The following UGGT1 variants were observed in gnomAD, a reference collection of about 807,000 sequenced individuals.
UGGT1 encodes the protein UDP-glucose:glycoprotein glucosyltransferase 1.
Under a neutral mutation model 203.9 loss-of-function variants are expected in UGGT1, and 107 were observed. The ratio of observed to expected loss-of-function variants is 0.52; its 90% CI spans 0.45 to 0.62. UGGT1 has a LOEUF of 0.62. Among genes scored for constraint, UGGT1 ranks in the 20% least tolerant of loss-of-function variants. The pLI is 0.00. For synonymous variants in UGGT1, 628 were observed against 653.5 expected, an observed-to-expected ratio of 0.96 and a Z score of 0.59; for missense variants, 1,673 against 1,867.2, an observed-to-expected ratio of 0.90 and a Z score of 1.92.
intron 9 of UGGT1, 132 bp downstream of exon 9, chr2:128,120,588 GATTA>G (rs1363797468): frequency 1.3e-5 from 9 of 679,542 alleles, no homozygotes; most frequent in Admixed American, 4.9e-5. Context: ...AGATAAGAGT[GATTA>G]ATTACGATTA....
At chr2:128,134,563 G>T (rs898297299) in intron 14 of UGGT1, among the ~76,000 whole-genome samples, 1 of 152,192 alleles carries the variant, frequency 6.6e-6, no homozygotes, top group Non-Finnish European at 1.5e-5. Flanking sequence ...AAAAAGGCAG[G>T]CTCCATTTTT....
intron 25 of UGGT1, among the ~76,000 whole-genome samples, chr2:128,163,064 C>G (rs1043647090): frequency 9.9e-5 from 15 of 152,146 alleles, no homozygotes; most frequent in Non-Finnish European, 1.9e-4. Context: ...TGAAGCTTGG[C>G]TGTGTATACT....
rs138032020 is a variant in UGGT1, at chr2:128,141,153, G to A, written c.1720-1941G>A. ...AGCCTGGCCAACATGGTGAAACCCCGTTTCTACTAAAAATACAAAAATTGG... is the reference window on the plus strand; with the variant it reads ...AGCCTGGCCAACATGGTGAAACCCCATTTCTACTAAAAATACAAAAATTGG... On this transcript the variant is annotated intron_variant, in intron 16 of 40. Coordinates refer to ENST00000259253, the MANE Select transcript of UGGT1 (RefSeq NM_020120.4). Among the ~76,000 whole-genome samples, 1,444 of 151,518 alleles carry A rather than the reference G, an allele frequency of 9.5e-3. 22 individuals are homozygous for A. The highest frequency in any genetic ancestry group is 0.032 in the African/African-American group (1,319 of 41,346).
intron 7 of UGGT1, 49 bp from the exon 8 acceptor site, chr2:128,116,216 T>A: frequency 7.6e-7 from 1 of 1,308,010 alleles, no homozygotes; most frequent in African/African-American, 1.5e-5. Context: ...ACGTTTTTGT[T>A]TCAAATCTGA....
chr2:128,171,457 G>A, intron 28 of UGGT1, 173 bp downstream of exon 28: 1 of 624,882 alleles, frequency 1.6e-6, no homozygotes, highest in Non-Finnish European at 2.7e-6. Context: ...TAAGAACATA[G>A]TGTGTTTGTA....
chr2:128,133,176 T>C lies in UGGT1; in HGVS notation c.1413T>C (p.Asn471=), dbSNP rs1420975541. 6.2e-7 allele frequency: 1 copy of C among 1,614,108 alleles called. No individual in the cohort carries two copies. Among genetic ancestry groups the C allele is most frequent in the Non-Finnish European group, 8.5e-7 (1 of 1,179,978 alleles). The change falls in exon 14 of 41, where the codon AAT becomes AAC. Residue 471 remains asparagine (N), a synonymous_variant. Transcript: ENST00000259253. ...ACCTGGAGGTTGATAGCAGATATAA[T>C]TCGTGGCCTTCTAGTTTACAAGAGT... ...VNNLEVDSRY[N]SWPSSLQELL... is the part of the protein sequence containing the mutation.
At chr2:128,143,457 G>A (rs1689535767) in intron 17 of UGGT1, among the ~76,000 whole-genome samples, 1 of 152,166 alleles carries the variant, frequency 6.6e-6, no homozygotes, top group South Asian at 2.1e-4. Context: ...AACTGTTTAA[G>A]TCTCATTTTC....
At chr2:128,159,764 C>T (rs1460493869) in intron 23 of UGGT1, 44 bp downstream of exon 23, 1 of 1,585,778 alleles carries the variant, frequency 6.3e-7, no homozygotes, top group Admixed American at 1.7e-5. Flanking sequence ...TTTTGTCTGC[C>T]ACGGAAGCTC....
At chr2:128,133,584 C>G (rs1311715867) in intron 14 of UGGT1, among the ~76,000 whole-genome samples, 2 of 151,754 alleles carry the variant, frequency 1.3e-5, no homozygotes, top group Non-Finnish European at 2.9e-5. Context: ...TTTATTTTTT[C>G]TAATCAGCTT....
chr2:128,106,796 C>T (rs1427032736), intron 3 of UGGT1, among the ~76,000 whole-genome samples: 1 of 152,110 alleles, frequency 6.6e-6, no homozygotes, highest in East Asian at 1.9e-4. Context: ...GTGATCCACC[C>T]ACCTGCCCCT....
At chr2:128,093,840 T>C (rs181046125) in intron 1 of UGGT1, among the ~76,000 whole-genome samples, 15 of 152,338 alleles carry the variant, frequency 9.8e-5, no homozygotes, top group Non-Finnish European at 2.1e-4. Flanking sequence ...AGCATATTCA[T>C]GGACTGTCTT....
intron 31 of UGGT1, among the ~76,000 whole-genome samples, chr2:128,176,179 C>T (rs1435080081): frequency 1.4e-4 from 22 of 152,066 alleles, no homozygotes; most frequent in Admixed American, 1.2e-3. Flanking sequence ...TTTGGGAGGC[C>T]GAGGAGGGTG....
At chr2:128,128,658 G>A (rs148407768) in intron 12 of UGGT1, among the ~76,000 whole-genome samples, 2 of 152,168 alleles carry the variant, frequency 1.3e-5, no homozygotes, top group Non-Finnish European at 1.5e-5. Context: ...TCTAAGTTGG[G>A]TGTGGATTCT....
intron 39 of UGGT1, 152 bp downstream of exon 39, chr2:128,186,951 C>T (rs778243715): frequency 1.3e-4 from 78 of 582,804 alleles, no homozygotes; most frequent in Non-Finnish European, 2.0e-4. Context: ...CGGGGCTATT[C>T]TTATCTTACA....
intron 30 of UGGT1, among the ~76,000 whole-genome samples, chr2:128,174,449 C>G (rs1299657057): frequency 6.6e-6 from 1 of 152,048 alleles, no homozygotes; most frequent in Admixed American, 6.5e-5. Context: ...CGGGCACCCA[C>G]CACCATGCCC....
intron 26 of UGGT1, among the ~76,000 whole-genome samples, chr2:128,168,912 T>G (rs1011738113): frequency 2.0e-5 from 3 of 151,724 alleles, no homozygotes; most frequent in African/African-American, 7.3e-5. Flanking sequence ...CTGGGCATGG[T>G]GGCATGTGCC....
intron 26 of UGGT1, among the ~76,000 whole-genome samples, chr2:128,165,882 C>T (rs1690768466): frequency 6.6e-6 from 1 of 152,136 alleles, no homozygotes; most frequent in Non-Finnish European, 1.5e-5. Context: ...CTACCTCAAC[C>T]TCCTGTGTGG....
chr2:128,104,140 TATG>T, intron 3 of UGGT1, 126 bp downstream of exon 3: 1 of 660,750 alleles, frequency 1.5e-6, no homozygotes, highest in Non-Finnish European at 2.4e-6. Context: ...TGACTGGAGT[TATG>T]ATGGTGGTCA....
chr2:128,181,948 CAT>C, intron 36 of UGGT1, among the ~76,000 whole-genome samples, 180 bp from the exon 37 acceptor site: 1 of 152,318 alleles, frequency 6.6e-6, no homozygotes. Flanking sequence ...AAGTGTCTTA[CAT>C]GTTAGTGAGT....
Sources: allele counts gnomAD v4.1 joint callset (sites outside exome capture counted in the v4.1 genomes callset), GRCh38; gene constraint gnomAD v4.1.1; transcripts MANE v1.5; gene names NCBI Gene and HGNC (gene_info 2026-07-23, HGNC 2026-07-21).